The following IMPG2 variants were observed in gnomAD, a reference collection of about 807,000 sequenced individuals.
IMPG2 encodes interphotoreceptor matrix proteoglycan 2.
IMPG2 carries 91 observed loss-of-function variants against 129.2 expected under a neutral mutation model. The observed-to-expected ratio is 0.70, with a 90% CI of 0.59 to 0.84. The LOEUF (loss-of-function observed/expected upper bound fraction) is 0.84. Among genes scored for constraint, IMPG2 ranks in the 40% least tolerant of loss-of-function variants. The probability of loss-of-function intolerance (pLI) is 0.00; values close to 1 mark genes in which losing one functional copy is unlikely to be tolerated. For synonymous variants in IMPG2, 510 were observed against 517.7 expected, an observed-to-expected ratio of 0.99 and a Z score of 0.20; for missense variants, 1,430 against 1,461.7, an observed-to-expected ratio of 0.98 and a Z score of 0.35.
chr3:101,242,201 A>G (rs2107217443), intron 14 of IMPG2, among the ~76,000 whole-genome samples: 1 of 152,312 alleles, frequency 6.6e-6, no homozygotes, highest in Non-Finnish European at 1.5e-5. Flanking sequence ...AATTTGATAT[A>G]CACAGAATAC....
chr3:101,285,388 G>A (rs1422308844), intron 4 of IMPG2, among the ~76,000 whole-genome samples: 1 of 152,166 alleles, frequency 6.6e-6, no homozygotes. Flanking sequence ...GAAAGACATA[G>A]ACTTCCTGCT....
At position 101,243,579 on chromosome 3, in the gene IMPG2, T is replaced by A; in HGVS notation, c.2752A>T (p.Asn918Tyr). 6.2e-7 allele frequency: 1 copy of A among 1,613,876 alleles called. No homozygotes were observed. Among genetic ancestry groups the A allele is most frequent in the Non-Finnish European group, 8.5e-7 (1 of 1,179,932 alleles). Residue 918 changes from asparagine (N) to tyrosine (Y), a missense_variant, in exon 13 of 19, where the codon AAT (asparagine) becomes TAT (tyrosine). Transcript: ENST00000193391. ...TNMMFSEDLF[N>Y]KNSLEYKALE... The stretch of plus-strand genomic sequence containing the variant: ...GCTTTATACTCCAAGGAGTTTTTAT[T>A]AAACAGATCTTCTGAAAACATCATG...
intron 9 of IMPG2, among the ~76,000 whole-genome samples, chr3:101,258,632 C>G (rs773606842): frequency 1.8e-4 from 28 of 152,094 alleles, no homozygotes; most frequent in Non-Finnish European, 4.0e-4. Context: ...CAAGTACTAA[C>G]AAACAGCACT....
chr3:101,253,223 A>G (rs1223087558), intron 11 of IMPG2, among the ~76,000 whole-genome samples: 1 of 152,130 alleles, frequency 6.6e-6, no homozygotes, highest in Non-Finnish European at 1.5e-5. Flanking sequence ...GTCATCTGTC[A>G]GCTAGTGGAT....
At chr3:101,266,142 A>G (rs1015537604) in intron 9 of IMPG2, among the ~76,000 whole-genome samples, 9 of 152,168 alleles carry the variant, frequency 5.9e-5, no homozygotes, top group African/African-American at 1.9e-4. Flanking sequence ...AACAATATGG[A>G]GGTTCCTCAG....
chr3:101,319,546 T>G (rs2058800794), intron 2 of IMPG2, 38 bp downstream of exon 2: 1 of 1,610,938 alleles, frequency 6.2e-7, no homozygotes, highest in Non-Finnish European at 8.5e-7. Flanking sequence ...TATGTTTGAA[T>G]TTCATTATGG....
chr3:101,229,529 C>G lies in IMPG2; in HGVS notation c.3484G>C (p.Val1162Leu). 6.2e-7 allele frequency: 1 copy of G among 1,613,940 alleles called. No individual in the cohort carries two copies. Among genetic ancestry groups the G allele is most frequent in the Non-Finnish European group, 8.5e-7 (1 of 1,180,008 alleles). The change falls in exon 17 of 19, where the codon GTG (valine) becomes CTG (leucine). Residue 1162 changes from valine (V) to leucine (L), a missense_variant. Physicochemically the swap from Val to Leu is conservative, Grantham distance 32. Transcript: ENST00000193391. ...SIENAVKYNP[V>L]YESHRAGCEK... ...CATCCAGCCCTGTGACTTTCATACA[C>G]GGGGTTGTACTTCACAGCATTCTCA... is the stretch of plus-strand genomic sequence containing the variant.
intron 2 of IMPG2, among the ~76,000 whole-genome samples, chr3:101,311,525 A>G (rs1472061398): frequency 6.6e-6 from 1 of 152,216 alleles, no homozygotes; most frequent in African/African-American, 2.4e-5. Flanking sequence ...CCAAAATGCA[A>G]AACATACTCT....
intron 2 of IMPG2, among the ~76,000 whole-genome samples, chr3:101,314,109 A>G (rs575660000): frequency 6.6e-6 from 1 of 152,230 alleles, no homozygotes; most frequent in South Asian, 2.1e-4. Flanking sequence ...TTTGGGATCT[A>G]CAATGGCCCT....
At chr3:101,265,997 G>A (rs139952756) in intron 9 of IMPG2, among the ~76,000 whole-genome samples, 173 of 152,230 alleles carry the variant, frequency 1.1e-3, no homozygotes, top group African/African-American at 3.8e-3. Context: ...AAACCAAAAT[G>A]AAGTATCATC....
At chr3:101,267,375 C>T (rs554387357) in intron 9 of IMPG2, 136 bp downstream of exon 9, 341 of 780,390 alleles carry the variant, frequency 4.4e-4, no homozygotes, top group Non-Finnish European at 6.4e-4. Context: ...TTTGACAAAC[C>T]CTGATCTGAA....
chr3:101,265,862 C>A (rs917592795), intron 9 of IMPG2, among the ~76,000 whole-genome samples: 21 of 151,986 alleles, frequency 1.4e-4, no homozygotes, highest in African/African-American at 4.3e-4. Context: ...AGCAAAATAA[C>A]AAACAATCCA....
Position 101,246,928 on chromosome 3 carries a change from T to A in IMPG2, c.1240-823A>T, listed in dbSNP as rs1313495469. On this transcript the variant is annotated intron_variant, in intron 11 of 18. Coordinates refer to ENST00000193391, the MANE Select transcript of IMPG2 (RefSeq NM_016247.4). ...GACTGGGCAATATAGCAAGACCGCA[T>A]CTCAACAACAACAAAAAATTAGCCA... Among the ~76,000 whole-genome samples the A allele has an allele frequency of 2.0e-5, 3 of 151,806 alleles. No homozygotes were observed. The East Asian group carries it at 5.9e-4, about 30-fold the overall frequency.
In IMPG2 at chr3:101,257,620, G is replaced by A; in HGVS notation, c.1062C>T (p.Phe354=). The change falls in exon 10 of 19, where the codon TTC becomes TTT. Residue 354 remains phenylalanine (F), a synonymous_variant. Transcript: ENST00000193391. ...KPTVVYTISN[F]RDYIAETLQQ... The stretch of plus-strand genomic sequence containing the variant: ...GCAATGTCTCAGCAATATAATCTCT[G>A]AAGTTACTGATTGTATAAACAACAG... The A allele has an allele frequency of 6.2e-7, 1 of 1,613,422 alleles. No individual in the cohort carries two copies. Among genetic ancestry groups the A allele is most frequent in the East Asian group, 2.2e-5 (1 of 44,866 alleles).
chr3:101,242,750 C>A lies in IMPG2; in HGVS notation c.2960G>T (p.Cys987Phe). The change falls in exon 14 of 19, where the codon TGT (cysteine) becomes TTT (phenylalanine). Residue 987 changes from cysteine to phenylalanine, a missense_variant. Physicochemically the swap from Cys to Phe is radical, Grantham distance 205 (BLOSUM62 -2). Transcript: ENST00000193391. ...GTTCATGGTATTGTAGGCAGTGGTA[C>A]AAAAGTCTTCCAGAATCATGTACAC... ...NAVYMILEDF[C>F]TTAYNTMNLA... 6.2e-7 allele frequency: 1 copy of A among 1,613,990 alleles called. No homozygotes were observed. Among genetic ancestry groups the A allele is most frequent in the South Asian group, 1.1e-5 (1 of 91,076 alleles).
intron 9 of IMPG2, among the ~76,000 whole-genome samples, chr3:101,266,637 A>C (rs1224764728): frequency 6.6e-6 from 1 of 152,184 alleles, no homozygotes; most frequent in African/African-American, 2.4e-5. Context: ...ATGGAGACCC[A>C]GCTGCAAAAT....
rs1171856296 is a variant in IMPG2 at position 101,312,006 on chromosome 3, T to C, written c.334+7578A>G. Among the ~76,000 whole-genome samples the C allele has an allele frequency of 2.7e-5, 4 of 147,798 alleles. No individual in the cohort carries two copies. In the East Asian group the frequency reaches 7.9e-4, roughly 29 times the overall value. ...ATAGCCACATGCAAACTAATAAATT[T>C]AGATCCTTACATCATATACAAAAAA... On this transcript the variant is annotated intron_variant, in intron 2 of 18. Coordinates refer to ENST00000193391, the MANE Select transcript of IMPG2 (RefSeq NM_016247.4).
intron 3 of IMPG2, among the ~76,000 whole-genome samples, chr3:101,298,092 T>C (rs1707099213): frequency 6.6e-6 from 1 of 152,254 alleles, no homozygotes; most frequent in Non-Finnish European, 1.5e-5. Context: ...CTATATTGGG[T>C]GCATATATAT....
chr3:101,254,089 C>T (rs766996053), intron 10 of IMPG2, among the ~76,000 whole-genome samples: 1 of 151,962 alleles, frequency 6.6e-6, no homozygotes, highest in Non-Finnish European at 1.5e-5. Flanking sequence ...TCCTATGAAG[C>T]GCTTATTTTT....
Sources: gnomAD v4.1 joint callset for allele counts (sites outside exome capture counted in the v4.1 genomes callset) on GRCh38, gnomAD v4.1.1 for gene constraint, MANE v1.5 for transcripts, NCBI Gene and HGNC (gene_info 2026-07-23, HGNC 2026-07-21) for gene names.